TNFRSF19: variants seen among roughly 807,000 people sequenced by gnomAD.
TNFRSF19 encodes TNF receptor superfamily member 19.
Under a neutral mutation model 46.4 loss-of-function variants are expected in TNFRSF19, and 27 were observed. That is an observed-to-expected ratio of 0.58 (90% CI 0.43 to 0.80). The LOEUF (loss-of-function observed/expected upper bound fraction) is 0.80. Ranked by LOEUF, TNFRSF19 falls within the 30% of genes least tolerant of loss-of-function variation. The probability of loss-of-function intolerance (pLI) is 0.00; values close to 1 mark genes in which losing one functional copy is unlikely to be tolerated. For synonymous variants in TNFRSF19, 204 were observed against 205.0 expected, an observed-to-expected ratio of 1.00 and a Z score of 0.04; for missense variants, 511 against 530.8, an observed-to-expected ratio of 0.96 and a Z score of 0.37.
intron 3 of TNFRSF19, among the ~76,000 whole-genome samples, chr13:23,595,221 C>A (rs1325270488): frequency 6.6e-6 from 1 of 152,192 alleles, no homozygotes; most frequent in African/African-American, 2.4e-5. Flanking sequence ...GATCACAACT[C>A]CTTGCCAGCA....
intron 1 of TNFRSF19, among the ~76,000 whole-genome samples, chr13:23,583,611 A>T (rs1878618866): frequency 6.6e-6 from 1 of 152,202 alleles, no homozygotes. Context: ...GTGTCTGAAG[A>T]CTGAGTGTTA....
chr13:23,601,114 T>G (rs1880125737), intron 3 of TNFRSF19, among the ~76,000 whole-genome samples: 1 of 152,160 alleles, frequency 6.6e-6, no homozygotes, highest in Non-Finnish European at 1.5e-5. Context: ...TTTCCCAAGT[T>G]AATGCCAGAC....
At chr13:23,586,257 CAAAAAAAAA>C (rs34228080) in intron 1 of TNFRSF19, among the ~76,000 whole-genome samples, 1 of 91,952 alleles carries the variant, frequency 1.1e-5, no homozygotes, top group African/African-American at 4.4e-5. Flanking sequence ...GACTCCGTCT[CAAAAAAAAA>C]AAAAAAAAAA....
At chr13:23,574,303 CAT>C (rs908537097) in intron 1 of TNFRSF19, among the ~76,000 whole-genome samples, 6 of 152,016 alleles carry the variant, frequency 3.9e-5, no homozygotes, top group Admixed American at 6.6e-5. Context: ...GGATAAATAA[CAT>C]GTGCAAGATT....
chr13:23,590,276 C>G, intron 2 of TNFRSF19, 24 bp downstream of exon 2: 1 of 1,427,208 alleles, frequency 7.0e-7, no homozygotes, highest in Non-Finnish European at 9.7e-7. Flanking sequence ...TTTTTTCTTT[C>G]ATAAGAATGT....
intron 5 of TNFRSF19, among the ~76,000 whole-genome samples, chr13:23,629,956 G>C (rs1039147082): frequency 2.0e-5 from 3 of 152,118 alleles, no homozygotes; most frequent in African/African-American, 7.2e-5. Flanking sequence ...TCCCCTGGTG[G>C]GTGAGCACTG....
In TNFRSF19 at chr13:23,593,446, G is replaced by A. The variant is rs761937181; in HGVS notation, c.171G>A (p.Glu57=). The part of the protein sequence containing the change: ...VPCNQCGPGM[E]LSKECGFGYG... ...GCAACCAGTGTGGGCCAGGCATGGA[G>A]TTGTCTAAGGTATATTGGATACATG... The change falls in exon 3 of 10, where the codon GAG becomes GAA. Residue 57 remains glutamate (E), a synonymous_variant. Transcript: ENST00000248484. 2.5e-6 allele frequency: 4 copies of A among 1,598,676 alleles called. No individual in the cohort carries two copies. The highest frequency in any genetic ancestry group is 3.4e-6 in the Non-Finnish European group (4 of 1,175,250).
chr13:23,583,842 G>A (rs1878633010), intron 1 of TNFRSF19, among the ~76,000 whole-genome samples: 1 of 150,832 alleles, frequency 6.6e-6, no homozygotes, highest in Non-Finnish European at 1.5e-5. Flanking sequence ...GGTCCCCTTA[G>A]TCCCTGATGC....
chr13:23,646,884 C>T (rs1051351574), intron 5 of TNFRSF19, among the ~76,000 whole-genome samples: 2 of 152,174 alleles, frequency 1.3e-5, no homozygotes, highest in East Asian at 3.8e-4. Flanking sequence ...CACCATTTTA[C>T]GTTCTTACCA....
chr13:23,605,612 G>A (rs1880459009), intron 3 of TNFRSF19, among the ~76,000 whole-genome samples: 2 of 152,028 alleles, frequency 1.3e-5, no homozygotes, highest in Admixed American at 1.3e-4. Flanking sequence ...CCCTACAATG[G>A]AATATTACTC....
In TNFRSF19 at chr13:23,601,707, A is replaced by T. The variant is rs74856657; in HGVS notation, c.180+8252A>T. On this transcript the variant is annotated intron_variant, in intron 3 of 9. Transcript: ENST00000248484. ...ACACATAAGTGAAATTAATTACAGC[A>T]ATGATACAAAGGGTGAGGAGGAGGA... Among the ~76,000 whole-genome samples the T allele has an allele frequency of 8.4e-3, 1,276 of 152,348 alleles. 28 individuals are homozygous for T. The highest frequency in any genetic ancestry group is 0.077 in the East Asian group (398 of 5,190).
At chr13:23,579,235 G>C (rs997493088) in intron 1 of TNFRSF19, 2 of 152,452 alleles carry the variant, frequency 1.3e-5, no homozygotes, top group Non-Finnish European at 2.9e-5. Context: ...GGCTGACGCA[G>C]TGTGCGCTGG....
rs185266239 is a variant in TNFRSF19 at position 23,650,349 on chromosome 13, A to C, written c.446-8701A>C. Among the ~76,000 whole-genome samples, 333 of 152,368 alleles carry C rather than the reference A, an allele frequency of 2.2e-3. 2 individuals are homozygous for C. The highest frequency in any genetic ancestry group is 3.0e-3 in the Non-Finnish European group (201 of 68,030). On this transcript the variant is annotated intron_variant, in intron 5 of 9. Coordinates refer to ENST00000248484, the MANE Select transcript of TNFRSF19 (RefSeq NM_148957.4). ...CAAAGCTGGGAAAACCAAGATGTCC[A>C]TCATCTGAGAAATGGCTAAACAAAA...
intron 1 of TNFRSF19, among the ~76,000 whole-genome samples, chr13:23,584,548 A>G (rs1241442504): frequency 1.3e-5 from 2 of 151,112 alleles, no homozygotes; most frequent in East Asian, 3.9e-4. Flanking sequence ...GTGTGCAAGT[A>G]TCTCTTTTGT....
At chr13:23,636,314 A>G (rs56805280) in intron 5 of TNFRSF19, among the ~76,000 whole-genome samples, 2,209 of 152,294 alleles carry the variant, frequency 0.015, 61 homozygotes, top group African/African-American at 0.051. Flanking sequence ...AATGAGAAAA[A>G]TTGCTTTTTA....
At chr13:23,662,381 C>T (rs1415865060) in intron 7 of TNFRSF19, among the ~76,000 whole-genome samples, 1 of 152,142 alleles carries the variant, frequency 6.6e-6, no homozygotes, top group Non-Finnish European at 1.5e-5. Context: ...CTCCATTGGT[C>T]TATGTGCCTG....
intron 4 of TNFRSF19, among the ~76,000 whole-genome samples, chr13:23,623,892 A>T (rs1881831783): frequency 6.6e-6 from 1 of 152,108 alleles, no homozygotes; most frequent in Non-Finnish European, 1.5e-5. Flanking sequence ...TATCAGACAT[A>T]TGATTTGCAG....
intron 4 of TNFRSF19, among the ~76,000 whole-genome samples, chr13:23,623,112 T>A (rs1282561796): frequency 6.6e-6 from 1 of 152,178 alleles, no homozygotes; most frequent in Non-Finnish European, 1.5e-5. Context: ...CAACTCCCCT[T>A]TGCTTCTTCC....
intron 9 of TNFRSF19, among the ~76,000 whole-genome samples, chr13:23,670,473 A>C (rs975827156): frequency 5.3e-5 from 8 of 152,232 alleles, no homozygotes; most frequent in African/African-American, 1.9e-4. Context: ...GGAAAAACAA[A>C]TTAGGCAGTT....
Sources: allele counts gnomAD v4.1 joint callset (sites outside exome capture counted in the v4.1 genomes callset), GRCh38; gene constraint gnomAD v4.1.1; transcripts MANE v1.5; gene names NCBI Gene and HGNC (gene_info 2026-07-23, HGNC 2026-07-21).